INPP5A: variants seen among roughly 807,000 people sequenced by gnomAD.
The protein encoded by INPP5A is 43 kDa inositol polyphosphate 5-phophatase.
Under a neutral mutation model 65.2 loss-of-function variants are expected in INPP5A, and 14 were observed. The ratio of observed to expected loss-of-function variants is 0.21; its 90% CI spans 0.14 to 0.34. INPP5A has a LOEUF of 0.34. Ranked by LOEUF, INPP5A falls within the 10% of genes least tolerant of loss-of-function variation. INPP5A has a pLI of 1.00. For synonymous variants in INPP5A, 207 were observed against 208.3 expected (o/e 0.99, Z 0.05); for missense variants, 431 against 545.6 (o/e 0.79, Z 2.09).
At chr10:132,680,769 C>T (rs561626059) in intron 4 of INPP5A, among the ~76,000 whole-genome samples, 43 of 152,386 alleles carry the variant, frequency 2.8e-4, no homozygotes, top group African/African-American at 9.9e-4. Context: ...CCGGCCGGCC[C>T]TGTGCAATGA....
intron 8 of INPP5A, among the ~76,000 whole-genome samples, chr10:132,723,395 G>C (rs2134572227): frequency 6.6e-6 from 1 of 152,322 alleles, no homozygotes; most frequent in Admixed American, 6.5e-5. Context: ...GCCAACTGAC[G>C]GCCGCGTCTG....
Position 132,777,797 on chromosome 10 carries a change from C to T in INPP5A, c.1089+15C>T, listed in dbSNP as rs1412418140. On this transcript the variant is annotated intron_variant, in intron 13 of 15. Transcript: ENST00000368594. ...TGGTGCTGCGGGTGAGTGTGTGCTG[C>T]CCCAGCCCTGGGCACAGAGGGATGT... The T allele has an allele frequency of 6.2e-7, 1 of 1,611,634 alleles. No individual in the cohort carries two copies. The highest frequency in any genetic ancestry group is 1.7e-5 in the Admixed American group (1 of 59,902).
intron 9 of INPP5A, among the ~76,000 whole-genome samples, chr10:132,747,122 C>G (rs1276287206): frequency 6.6e-6 from 1 of 152,250 alleles, no homozygotes; most frequent in Non-Finnish European, 1.5e-5. Context: ...CCTGGGATGG[C>G]TACAATGGCC....
chr10:132,537,901 C>T lies in INPP5A; in HGVS notation c.-196C>T, dbSNP rs1227544099. On this transcript the variant is annotated 5_prime_UTR_variant, in exon 1 of 16. Coordinates refer to ENST00000368594, the MANE Select transcript of INPP5A (RefSeq NM_005539.5). ...GAGCGACGGGCGCGGGGCCGCGGAG[C>T]AGCGAGCGAGCGAGCGAGCGCGAGG... 9 of 273,512 alleles carry T rather than the reference C, an allele frequency of 3.3e-5. No individual in the cohort carries two copies. The highest frequency in any genetic ancestry group is 5.5e-5 in the East Asian group (1 of 18,100). The allele number at this position is 273,512 out of a possible 1,614,324, so 16.9% of individuals were successfully genotyped here.
At chr10:132,548,411 C>T (rs1171635024) in intron 1 of INPP5A, among the ~76,000 whole-genome samples, 1 of 152,188 alleles carries the variant, frequency 6.6e-6, no homozygotes, top group African/African-American at 2.4e-5. Flanking sequence ...GGAGTCGACT[C>T]TGCTTCTGCC....
At chr10:132,642,983 G>T (rs901186905) in intron 2 of INPP5A, among the ~76,000 whole-genome samples, 2 of 152,176 alleles carry the variant, frequency 1.3e-5, no homozygotes, top group Non-Finnish European at 2.9e-5. Flanking sequence ...TTGCCAGGTC[G>T]CTCTGTGGGA....
intron 1 of INPP5A, among the ~76,000 whole-genome samples, chr10:132,554,649 T>C (rs1590824922): frequency 6.7e-6 from 1 of 150,148 alleles, no homozygotes; most frequent in Non-Finnish European, 1.5e-5. Flanking sequence ...GCGTGGTTGG[T>C]CCATGTGGGT....
At chr10:132,588,662 T>G (rs1458936782) in intron 1 of INPP5A, among the ~76,000 whole-genome samples, 1 of 152,228 alleles carries the variant, frequency 6.6e-6, no homozygotes, top group Non-Finnish European at 1.5e-5. Flanking sequence ...TCTACAGGGT[T>G]AAGGCACCCA....
At chr10:132,724,399 G>T (rs56352586) in intron 8 of INPP5A, among the ~76,000 whole-genome samples, 3,281 of 152,342 alleles carry the variant, frequency 0.022, 55 homozygotes, top group South Asian at 0.053. Flanking sequence ...GAAGGTGGGG[G>T]CTCCATGCCC....
chr10:132,667,819 G>A (rs1404796818), intron 4 of INPP5A, among the ~76,000 whole-genome samples: 20 of 152,192 alleles, frequency 1.3e-4, no homozygotes, highest in African/African-American at 4.8e-5. Context: ...GATATTTCTC[G>A]GTAATGAACT....
chr10:132,565,331 A>G (rs1015894721), intron 1 of INPP5A, among the ~76,000 whole-genome samples: 2 of 152,238 alleles, frequency 1.3e-5, no homozygotes, highest in African/African-American at 2.4e-5. Context: ...TCTCTGAAGC[A>G]CTTTCATCCA....
rs2071044659 is a variant in INPP5A at position 132,551,178 on chromosome 10, C to T, written c.75+13007C>T. The stretch of plus-strand genomic sequence containing the variant: ...CACCCTCCCTTGCCTACCTTTCAGG[C>T]TTCTGAGCGGCTGTCAGTTGCCACC... On this transcript the variant is annotated intron_variant, in intron 1 of 15. Coordinates refer to ENST00000368594, the MANE Select transcript of INPP5A (RefSeq NM_005539.5). This position sits in a 1 kb window ranked among gnomAD's most constrained non-coding sequence, Gnocchi z 5.3. 6.6e-6 allele frequency among the ~76,000 whole-genome samples: 1 copy of T among 152,222 alleles called. No homozygotes were observed.
In INPP5A at chr10:132,675,563, G is replaced by A. The variant is rs1351511149; in HGVS notation, c.307-14829G>A. Among the ~76,000 whole-genome samples, 14 of 152,280 alleles carry A rather than the reference G, an allele frequency of 9.2e-5. No individual in the cohort carries two copies. Among genetic ancestry groups the A allele is most frequent in the Admixed American group, 4.6e-4 (7 of 15,298 alleles). On this transcript the variant is annotated intron_variant, in intron 4 of 15. Coordinates refer to ENST00000368594, the MANE Select transcript of INPP5A (RefSeq NM_005539.5). The surrounding 1 kb of genome is among the most constrained non-coding windows in gnomAD (Gnocchi z 4.2). ...GGGGGTGGGTGCGTGTGGAGTGAGC[G>A]TTCCAGGGGCCTTGCCGTGCCCGGG... is the stretch of plus-strand genomic sequence containing the variant.
intron 8 of INPP5A, among the ~76,000 whole-genome samples, chr10:132,721,599 A>G (rs867733210): frequency 0.015 from 1,062 of 71,730 alleles, no homozygotes; most frequent in African/African-American, 0.016. Context: ...GTTCTGTGGT[A>G]CCTGGGTTCT....
Position 132,650,359 on chromosome 10 carries a change from T to G in INPP5A, c.219-59T>G. On this transcript the variant is annotated intron_variant, in intron 3 of 15. Coordinates refer to ENST00000368594, the MANE Select transcript of INPP5A (RefSeq NM_005539.5). This position sits in a 1 kb window ranked among gnomAD's most constrained non-coding sequence, Gnocchi z 5.5. ...GCCCCTCTTATACCTTGTGGTCATC[T>G]CATGAGGTGCAAGGCGTCTGTGTGG... The G allele has an allele frequency of 8.6e-7, 1 of 1,163,692 alleles. No homozygotes were observed. Among genetic ancestry groups the G allele is most frequent in the Middle Eastern group, 1.9e-4 (1 of 5,154 alleles). 72.1% of individuals were successfully genotyped at this position (1,163,692 alleles called of 1,614,324 possible). A position where few individuals can be genotyped will look rare whatever the true frequency, so the allele number is the denominator to read the frequency against.
At chr10:132,586,895 G>A (rs2071552516) in intron 1 of INPP5A, among the ~76,000 whole-genome samples, 1 of 152,344 alleles carries the variant, frequency 6.6e-6, no homozygotes, top group East Asian at 1.9e-4. Context: ...CGAGGCTGTG[G>A]TTCTCTGCTT....
chr10:132,685,873 A>G (rs1000980060), intron 4 of INPP5A, among the ~76,000 whole-genome samples: 12 of 152,250 alleles, frequency 7.9e-5, no homozygotes, highest in Non-Finnish European at 1.5e-5. Context: ...AATCAAGCTA[A>G]GTGACACGGT....
chr10:132,646,641 A>T (rs913346120), intron 3 of INPP5A, among the ~76,000 whole-genome samples: 1 of 152,126 alleles, frequency 6.6e-6, no homozygotes, highest in Non-Finnish European at 1.5e-5. Flanking sequence ...TGGCCTTGGC[A>T]CATTCCCATG....
At chr10:132,647,005 G>A (rs552244682) in intron 3 of INPP5A, among the ~76,000 whole-genome samples, 155 of 152,240 alleles carry the variant, frequency 1.0e-3, no homozygotes, top group African/African-American at 3.4e-3. Context: ...TAAGCCCTCC[G>A]TGTTGAACTC....
Sources: allele counts gnomAD v4.1 joint callset (sites outside exome capture counted in the v4.1 genomes callset), GRCh38; gene constraint gnomAD v4.1.1; non-coding constraint Gnocchi (gnomAD v3.1); transcripts MANE v1.5; gene names NCBI Gene and HGNC (gene_info 2026-07-23, HGNC 2026-07-21).